The following PPP4R4 variants were observed in gnomAD, a reference collection of about 807,000 sequenced individuals.
PPP4R4 encodes protein phosphatase 4 regulatory subunit 4.
Under a neutral mutation model 121.8 loss-of-function variants are expected in PPP4R4, and 70 were observed. The ratio of observed to expected loss-of-function variants is 0.57; its 90% confidence interval spans 0.47 to 0.70. The LOEUF (loss-of-function observed/expected upper bound fraction) is 0.70, where lower values mean the gene tolerates loss of function less well. Ranked by LOEUF, PPP4R4 falls within the 30% of genes least tolerant of loss-of-function variation. The pLI is 0.00. For missense variants in PPP4R4, 875 were observed against 1,033.6 expected, an observed-to-expected ratio of 0.85 and a Z score of 2.10; for synonymous variants, 348 against 355.7, an observed-to-expected ratio of 0.98 and a Z score of 0.24.
intron 16 of PPP4R4, among the ~76,000 whole-genome samples, chr14:94,253,682 A>G (rs1195868887): frequency 3.3e-5 from 5 of 152,206 alleles, no homozygotes. Flanking sequence ...TGACTCTTTG[A>G]GAAAGAAATC....
chr14:94,204,383 G>A (rs1890352305), intron 2 of PPP4R4, among the ~76,000 whole-genome samples: 1 of 151,992 alleles, frequency 6.6e-6, no homozygotes, highest in Admixed American at 6.6e-5. Flanking sequence ...CCAAAAATCA[G>A]TTGGGCATAT....
At chr14:94,210,948 C>T (rs1243433266) in intron 3 of PPP4R4, among the ~76,000 whole-genome samples, 1 of 152,140 alleles carries the variant, frequency 6.6e-6, no homozygotes, top group African/African-American at 2.4e-5. Context: ...CTGGTTAGCA[C>T]CTTTGTCAAT....
Position 94,218,662 on chromosome 14 carries a change from GCA to G in PPP4R4, c.294+10108_294+10109del, listed in dbSNP as rs537467916. Among the ~76,000 whole-genome samples the G allele has an allele frequency of 2.0e-4, 16 of 78,948 alleles. No individual in the cohort carries two copies. In the East Asian group the frequency reaches 2.2e-3, roughly 11 times the overall value. The allele number at this position is 78,948 out of a possible 152,430, so 51.8% of individuals were successfully genotyped here. A position where few individuals can be genotyped will look rare whatever the true frequency, so the allele number is the denominator to read the frequency against. On this transcript the variant is annotated intron_variant, in intron 3 of 24. Coordinates refer to ENST00000304338, the MANE Select transcript of PPP4R4 (RefSeq NM_058237.2). ...CCTCACCTCTAGACACTGCGCGCGCGCACACACACACACTCACCCCTAGACAC... is the reference window on the plus strand; with the variant it reads ...CCTCACCTCTAGACACTGCGCGCGCGCACACACACACTCACCCCTAGACAC...
Position 94,195,164 on chromosome 14 carries a change from A to G in PPP4R4, c.192-13300A>G, listed in dbSNP as rs531293578. Among the ~76,000 whole-genome samples the G allele has an allele frequency of 5.9e-5, 9 of 152,296 alleles. No individual in the cohort carries two copies. In the East Asian group the frequency reaches 1.7e-3, roughly 29 times the overall value. ...CATCTAAAAAATGTTAAGATTCTGC[A>G]GTCTCCTTTTCCTCTTTTTTGTTTT... is the stretch of plus-strand genomic sequence containing the variant. On this transcript the variant is annotated intron_variant, in intron 2 of 24. Transcript: ENST00000304338.
chr14:94,207,332 TAG>T (rs1890510449), intron 2 of PPP4R4, among the ~76,000 whole-genome samples: 1 of 151,992 alleles, frequency 6.6e-6, no homozygotes, highest in African/African-American at 2.4e-5. Flanking sequence ...AGGATTCTCC[TAG>T]AGAGTGATGA....
chr14:94,196,620 CT>C (rs1164477657), intron 2 of PPP4R4, among the ~76,000 whole-genome samples: 1 of 151,964 alleles, frequency 6.6e-6, no homozygotes, highest in East Asian at 1.9e-4. Context: ...GGCCTCAAAT[CT>C]TTTTTATTTA....
At chr14:94,178,926 A>G (rs1013696300) in intron 2 of PPP4R4, among the ~76,000 whole-genome samples, 1 of 152,132 alleles carries the variant, frequency 6.6e-6, no homozygotes, top group African/African-American at 2.4e-5. Flanking sequence ...CATTAGGTAA[A>G]TCTTTACTTG....
At chr14:94,206,594 C>G (rs1013851889) in intron 2 of PPP4R4, among the ~76,000 whole-genome samples, 2 of 151,596 alleles carry the variant, frequency 1.3e-5, no homozygotes, top group African/African-American at 4.8e-5. Flanking sequence ...GAGATTATAC[C>G]CTTTTTTATC....
intron 16 of PPP4R4, among the ~76,000 whole-genome samples, chr14:94,255,648 T>C (rs1326353566): frequency 6.6e-6 from 1 of 152,080 alleles, no homozygotes; most frequent in Non-Finnish European, 1.5e-5. Flanking sequence ...TCTCACCACC[T>C]TTTACTGCTA....
At chr14:94,218,518 AC>A (rs1198169065) in intron 3 of PPP4R4, among the ~76,000 whole-genome samples, 1 of 65,950 alleles carries the variant, frequency 1.5e-5, no homozygotes, top group East Asian at 4.7e-4. Flanking sequence ...GCACACACAC[AC>A]CCCCCTCACC....
intron 2 of PPP4R4, among the ~76,000 whole-genome samples, chr14:94,182,518 A>G (rs751099801): frequency 1.3e-5 from 2 of 152,146 alleles, no homozygotes; most frequent in Non-Finnish European, 2.9e-5. Flanking sequence ...TATAGTAGGA[A>G]GCACTCTGTG....
intron 11 of PPP4R4, 34 bp downstream of exon 11, chr14:94,242,442 G>C: frequency 6.4e-7 from 1 of 1,574,722 alleles, no homozygotes; most frequent in East Asian, 2.2e-5. Flanking sequence ...CTTTACGTTT[G>C]TTGTTAATTC....
In PPP4R4 at chr14:94,245,227, C is replaced by T. The variant is rs189232160; in HGVS notation, c.1345-360C>T. Among the ~76,000 whole-genome samples the T allele has an allele frequency of 2.3e-3, 344 of 152,190 alleles. 1 individual carries two copies. Among genetic ancestry groups the T allele is most frequent in the African/African-American group, 7.8e-3 (323 of 41,540 alleles). ...CTAAATGACTGTTAGTTTGCCAAAG[C>T]GCAGCTCATGAATATTTTGATATCA... is the stretch of plus-strand genomic sequence containing the variant. On this transcript the variant is annotated intron_variant, in intron 12 of 24. Transcript: ENST00000304338.
intron 5 of PPP4R4, 62 bp downstream of exon 5, chr14:94,231,377 G>A: frequency 1.5e-6 from 2 of 1,378,656 alleles, no homozygotes; most frequent in South Asian, 1.3e-5. Context: ...TTTTTAAAAG[G>A]TTTCTTGTCA....
chr14:94,228,475 C>T (rs1891841852), intron 3 of PPP4R4, among the ~76,000 whole-genome samples: 1 of 152,298 alleles, frequency 6.6e-6, no homozygotes, highest in East Asian at 1.9e-4. Context: ...ATCAAGAAGA[C>T]TGGGTATATA....
chr14:94,244,649 G>T lies in PPP4R4; in HGVS notation c.1281G>T (p.Leu427=). 1 of 1,499,672 alleles carries T rather than the reference G, an allele frequency of 6.7e-7. No homozygotes were observed. Among genetic ancestry groups the T allele is most frequent in the Admixed American group, 1.9e-5 (1 of 51,352 alleles). The allele number at this position is 1,499,672 out of a possible 1,614,324, so 92.9% of individuals were successfully genotyped here. ...AICFYEVSKL[L]NSGVYLIHKE... The stretch of plus-strand genomic sequence containing the variant: ...CTATATTTTAGGTATCTAAGCTTCT[G>T]AATTCTGGAGTATATTTAATACATA... The change falls in exon 12 of 25, where the codon CTG becomes CTT. Residue 427 remains leucine (L), a synonymous_variant. Transcript: ENST00000304338.
intron 19 of PPP4R4, among the ~76,000 whole-genome samples, chr14:94,261,461 T>A (rs1441338315): frequency 1.3e-5 from 2 of 152,120 alleles, no homozygotes; most frequent in East Asian, 3.8e-4. Flanking sequence ...CTAAAAATTG[T>A]TTTTTAGATT....
At chr14:94,272,944 C>A (rs1894417013) in intron 23 of PPP4R4, among the ~76,000 whole-genome samples, 1 of 152,240 alleles carries the variant, frequency 6.6e-6, no homozygotes, top group South Asian at 2.1e-4. Context: ...CAATGAAGCC[C>A]CATGACACAC....
At chr14:94,250,539 C>A (rs528243095) in intron 15 of PPP4R4, among the ~76,000 whole-genome samples, 1 of 151,914 alleles carries the variant, frequency 6.6e-6, no homozygotes, top group East Asian at 1.9e-4. Context: ...CAGTATCTCC[C>A]CTGATGAAAT....
Sources: gnomAD v4.1 joint callset for allele counts (sites outside exome capture counted in the v4.1 genomes callset) on GRCh38, gnomAD v4.1.1 for gene constraint, MANE v1.5 for transcripts, NCBI Gene and HGNC (gene_info 2026-07-23, HGNC 2026-07-21) for gene names.